PKN2: variants seen among roughly 807,000 people sequenced by gnomAD.
PKN2 encodes protein kinase N2.
PKN2 carries 38 observed loss-of-function variants against 119.1 expected under a neutral mutation model. That is an observed-to-expected ratio of 0.32 (90% CI 0.25 to 0.42). The LOEUF is 0.42. Ranked by LOEUF, PKN2 falls within the 10% of genes least tolerant of loss-of-function variation. The probability of loss-of-function intolerance (pLI) is 1.00; values close to 1 mark genes in which losing one functional copy is unlikely to be tolerated. For missense variants in PKN2, 850 were observed against 1,165.1 expected, an observed-to-expected ratio of 0.73 and a Z score of 3.94; for synonymous variants, 390 against 384.9, an observed-to-expected ratio of 1.01 and a Z score of -0.15.
At chr1:88,690,033 T>A (rs1468361852) in intron 1 of PKN2, among the ~76,000 whole-genome samples, 1 of 152,248 alleles carries the variant, frequency 6.6e-6, no homozygotes, top group African/African-American at 2.4e-5. Context: ...TAAAAGTCTG[T>A]GTTAAAACTA....
rs544375168 is a variant in PKN2, at chr1:88,697,338, A to G, written c.48+12710A>G. On this transcript the variant is annotated intron_variant, in intron 1 of 21. Transcript: ENST00000370521. The stretch of plus-strand genomic sequence containing the variant: ...GATTTTAAAAAACATTATATGACCA[A>G]TCTGCCAGACCTGACTTCTCTAAAT... Among the ~76,000 whole-genome samples, 11 of 152,282 alleles carry G rather than the reference A, an allele frequency of 7.2e-5. No individual in the cohort carries two copies. The South Asian group carries it at 2.3e-3, about 32-fold the overall frequency.
At chr1:88,829,201 C>T (rs1557640715) in intron 19 of PKN2, 1 of 735,312 alleles carries the variant, frequency 1.4e-6, no homozygotes, top group African/African-American at 1.7e-5. Context: ...ATTGTAAAAA[C>T]AGAACGTACA....
chr1:88,791,188 A>G (rs1003650028), intron 8 of PKN2, among the ~76,000 whole-genome samples: 3 of 152,138 alleles, frequency 2.0e-5, no homozygotes, highest in African/African-American at 4.8e-5. Context: ...CTGTAAACCC[A>G]GCACTTCGGC....
At chr1:88,775,949 C>A (rs1048409796) in intron 6 of PKN2, among the ~76,000 whole-genome samples, 3 of 150,284 alleles carry the variant, frequency 2.0e-5, no homozygotes, top group African/African-American at 4.9e-5. Flanking sequence ...ACTAAAAATA[C>A]AAAAAAAAAT....
Position 88,720,158 on chromosome 1 carries a change from C to T in PKN2, c.49-20830C>T, listed in dbSNP as rs145458100. Among the ~76,000 whole-genome samples, 375 of 152,094 alleles carry T rather than the reference C, an allele frequency of 2.5e-3. 1 individual carries two copies. The highest frequency in any genetic ancestry group is 8.7e-3 in the African/African-American group (361 of 41,490). On this transcript the variant is annotated intron_variant, in intron 1 of 21. Coordinates refer to ENST00000370521, the MANE Select transcript of PKN2 (RefSeq NM_006256.4). ...AGCTGATCCTCTCACCTCAGCCTCCCGAGTAGCTGGGACTATAGGTGCACG... is the reference window on the plus strand; with the variant it reads ...AGCTGATCCTCTCACCTCAGCCTCCTGAGTAGCTGGGACTATAGGTGCACG...
chr1:88,707,201 T>C (rs993703839), intron 1 of PKN2, among the ~76,000 whole-genome samples: 7 of 152,134 alleles, frequency 4.6e-5, no homozygotes, highest in African/African-American at 1.7e-4. Flanking sequence ...ATTGTATTTT[T>C]TTAAAAATAA....
intron 17 of PKN2, among the ~76,000 whole-genome samples, chr1:88,823,212 C>G (rs1471793355): frequency 6.6e-6 from 1 of 151,974 alleles, no homozygotes; most frequent in East Asian, 1.9e-4. Flanking sequence ...GAGTGAGTAC[C>G]TTGTCTCACA....
At chr1:88,765,759 C>G (rs575927951) in intron 3 of PKN2, among the ~76,000 whole-genome samples, 11 of 152,234 alleles carry the variant, frequency 7.2e-5, no homozygotes, top group Admixed American at 1.3e-4. Flanking sequence ...CTCGGGAAAC[C>G]TTTCTGGATT....
chr1:88,781,124 A>C, intron 6 of PKN2: 1 of 1,269,852 alleles, frequency 7.9e-7, no homozygotes, highest in Non-Finnish European at 1.0e-6. Context: ...ACATTAATAG[A>C]AGACTACACA....
chr1:88,757,838 C>G (rs1669267100), intron 2 of PKN2, among the ~76,000 whole-genome samples: 1 of 151,750 alleles, frequency 6.6e-6, no homozygotes, highest in Admixed American at 6.6e-5. Context: ...GTCAGAAGTT[C>G]AAGACTAGCC....
intron 1 of PKN2, among the ~76,000 whole-genome samples, chr1:88,706,400 T>C (rs1667007023): frequency 6.6e-6 from 1 of 152,194 alleles, no homozygotes; most frequent in African/African-American, 2.4e-5. Context: ...ATAGTGTTTT[T>C]ATTTAATGAT....
chr1:88,714,710 A>T (rs1053114400), intron 1 of PKN2, among the ~76,000 whole-genome samples: 2 of 152,196 alleles, frequency 1.3e-5, no homozygotes, highest in Non-Finnish European at 1.5e-5. Context: ...CAATCTTGTC[A>T]TCTGCAAACA....
At chr1:88,691,596 C>T (rs1294352532) in intron 1 of PKN2, among the ~76,000 whole-genome samples, 1 of 152,184 alleles carries the variant, frequency 6.6e-6, no homozygotes, top group East Asian at 1.9e-4. Context: ...CACCACTCCC[C>T]CTCTCTCAAA....
chr1:88,799,248 G>A (rs1671212175), intron 8 of PKN2, among the ~76,000 whole-genome samples: 1 of 152,124 alleles, frequency 6.6e-6, no homozygotes, highest in African/African-American at 2.4e-5. Context: ...GACTTTTCCT[G>A]CCAAGATCAT....
chr1:88,805,980 A>G lies in PKN2; in HGVS notation c.1766A>G (p.Glu589Gly), dbSNP rs766666908. Residue 589 changes from glutamate to glycine, a missense_variant, in exon 12 of 22, where the codon GAA becomes GGA. Physicochemically the swap from Glu to Gly is moderately conservative, Grantham distance 98 (BLOSUM62 -2). This residue lies in a region of PKN2 where 216 missense variants were observed against 252.8 expected (regional missense o/e 0.85). Transcript: ENST00000370521. Reference sequence around the variant, plus strand: ...GCTTCTTCTCTTGGAGAAATAGATGAATCTTCTGAATTAAGAGTTTTGGAT... The same window carrying G: ...GCTTCTTCTCTTGGAGAAATAGATGGATCTTCTGAATTAAGAGTTTTGGAT... ...PRASSLGEID[E>G]SSELRVLDIP... The G allele has an allele frequency of 5.6e-6, 9 of 1,613,440 alleles. No homozygotes were observed. Among genetic ancestry groups the G allele is most frequent in the South Asian group, 1.1e-5 (1 of 91,072 alleles).
At chr1:88,690,926 A>G (rs190199648) in intron 1 of PKN2, among the ~76,000 whole-genome samples, 6 of 152,174 alleles carry the variant, frequency 3.9e-5, no homozygotes, top group African/African-American at 1.4e-4. Flanking sequence ...TGACTTATCA[A>G]ATTGGTGAAA....
chr1:88,722,464 T>C (rs1212216100), intron 1 of PKN2, among the ~76,000 whole-genome samples: 2 of 152,040 alleles, frequency 1.3e-5, no homozygotes, highest in African/African-American at 4.8e-5. Context: ...GGGTGGAGAT[T>C]GGATTTGGAT....
chr1:88,742,480 T>G (rs1399347552), intron 2 of PKN2, among the ~76,000 whole-genome samples: 1 of 152,076 alleles, frequency 6.6e-6, no homozygotes. Context: ...ATGAAAGAAA[T>G]AATAGGAAAT....
intron 3 of PKN2, among the ~76,000 whole-genome samples, chr1:88,765,848 C>G (rs947711070): frequency 2.0e-5 from 3 of 152,168 alleles, no homozygotes; most frequent in African/African-American, 4.8e-5. Context: ...CAGGTTGTCA[C>G]CCAGGCTGGA....
Sources: allele counts gnomAD v4.1 joint callset (sites outside exome capture counted in the v4.1 genomes callset), GRCh38; gene constraint gnomAD v4.1.1; regional missense constraint gnomAD v4.1.1; transcripts MANE v1.5; gene names NCBI Gene and HGNC (gene_info 2026-07-23, HGNC 2026-07-21).